Variants in ADAMTS2 observed in about 807,000 individuals in gnomAD.
ADAMTS2 encodes the protein A disintegrin and metalloproteinase with thrombospondin motifs 2.
Under a neutral mutation model 123.0 loss-of-function variants are expected in ADAMTS2, and 50 were observed. The observed-to-expected ratio is 0.41, with a 90% CI of 0.32 to 0.51. The LOEUF is 0.51. ADAMTS2 is among the 20% of genes least tolerant of loss of function. ADAMTS2 has a pLI of 0.35. For missense variants in ADAMTS2, 1,494 were observed against 1,705.2 expected (o/e 0.88, Z 2.18); for synonymous variants, 678 against 695.4 (o/e 0.98, Z 0.39).
intron 2 of ADAMTS2, among the ~76,000 whole-genome samples, chr5:179,338,887 G>A (rs1757692829): frequency 6.6e-6 from 1 of 152,076 alleles, no homozygotes; most frequent in Non-Finnish European, 1.5e-5. Context: ...GAGAGCTCTA[G>A]AATTGGAGCT....
intron 4 of ADAMTS2, among the ~76,000 whole-genome samples, chr5:179,203,796 C>T (rs185622639): frequency 5.8e-4 from 89 of 152,322 alleles, no homozygotes; most frequent in South Asian, 2.1e-4. Context: ...TGGGAAACAG[C>T]GTGGAAACTC....
chr5:179,311,416 G>C (rs1012040861), intron 2 of ADAMTS2, among the ~76,000 whole-genome samples: 1 of 152,188 alleles, frequency 6.6e-6, no homozygotes, highest in Non-Finnish European at 1.5e-5. Context: ...AGAATCACAG[G>C]GACATCCACC....
At chr5:179,184,172 C>T (rs1290003592) in intron 4 of ADAMTS2, among the ~76,000 whole-genome samples, 1 of 152,140 alleles carries the variant, frequency 6.6e-6, no homozygotes, top group Non-Finnish European at 1.5e-5. Context: ...TTCCTTCTAT[C>T]CTGGGGCTGA....
In ADAMTS2 at chr5:179,181,581, G is replaced by T. The variant is rs1201417439; in HGVS notation, c.892-426C>A. On this transcript the variant is annotated intron_variant, in intron 4 of 21. Coordinates refer to ENST00000251582, the MANE Select transcript of ADAMTS2 (RefSeq NM_014244.5). This position sits in a 1 kb window ranked among gnomAD's most constrained non-coding sequence, Gnocchi z 4.1. ...AGTCACTCCAAGCTATAGCTGGTGG[G>T]TGTGGGGATTACCTACCTGCATCGC... 1.3e-5 allele frequency among the ~76,000 whole-genome samples: 2 copies of T among 152,306 alleles called. No individual in the cohort carries two copies. The highest frequency in any genetic ancestry group is 2.1e-4 in the South Asian group (1 of 4,820).
At chr5:179,239,238 G>A (rs1160289566) in intron 3 of ADAMTS2, among the ~76,000 whole-genome samples, 1 of 152,176 alleles carries the variant, frequency 6.6e-6, no homozygotes, top group African/African-American at 2.4e-5. Context: ...TGACAACCGT[G>A]GAGATGGTGA....
rs936810665 is a variant in ADAMTS2, at chr5:179,202,605, C to T, written c.891+4908G>A. ...CCCCTTGCCTGACATATAATAGACG[C>T]CCCATAAACACCGGCCCCCGTATGA... On this transcript the variant is annotated intron_variant, in intron 4 of 21. Transcript: ENST00000251582. The surrounding 1 kb of genome is among the most constrained non-coding windows in gnomAD (Gnocchi z 4.0). Among the ~76,000 whole-genome samples, 1 of 152,174 alleles carries T rather than the reference C, an allele frequency of 6.6e-6. No homozygotes were observed. Among genetic ancestry groups the T allele is most frequent in the African/African-American group, 2.4e-5 (1 of 41,444 alleles).
In ADAMTS2 at chr5:179,137,852, C is replaced by T. The variant is rs1218632514; in HGVS notation, c.1868G>A (p.Arg623His). ...GTCCCACTGGCGGCACTGCTCCTCG[C>T]GGAAGTCAGCCAGGGAGTCGGGGCA... ...QDCPDSLADF[R>H]EEQCRQWDLY... The change falls in exon 12 of 22, where the codon CGC (arginine) becomes CAC (histidine). Residue 623 changes from arginine to histidine, a missense_variant. By Grantham distance (29) the Arg-to-His change is conservative. Coordinates refer to ENST00000251582, the MANE Select transcript of ADAMTS2 (RefSeq NM_014244.5). 7 of 1,566,376 alleles carry T rather than the reference C, an allele frequency of 4.5e-6. No homozygotes were observed. Among genetic ancestry groups the T allele is most frequent in the African/African-American group, 1.4e-5 (1 of 73,658 alleles).
At chr5:179,205,498 C>T (rs1366796327) in intron 4 of ADAMTS2, among the ~76,000 whole-genome samples, 9 of 152,330 alleles carry the variant, frequency 5.9e-5, no homozygotes, top group African/African-American at 9.6e-5. Context: ...GCGTTCCCAA[C>T]GACGCGCCTG....
chr5:179,187,993 C>T (rs1461262606), intron 4 of ADAMTS2, among the ~76,000 whole-genome samples: 1 of 151,952 alleles, frequency 6.6e-6, no homozygotes, highest in Non-Finnish European at 1.5e-5. Flanking sequence ...TGGCCTGCGG[C>T]TGCTGGGCAG....
chr5:179,207,760 C>A, intron 3 of ADAMTS2, 45 bp from the exon 4 acceptor site: 1 of 1,573,630 alleles, frequency 6.4e-7, no homozygotes, highest in African/African-American at 1.3e-5. Flanking sequence ...CAAACCCACC[C>A]GGACACAAAC....
At position 179,204,809 on chromosome 5, in the gene ADAMTS2, C is replaced by T. The variant is rs533407845; in HGVS notation, c.891+2704G>A. On this transcript the variant is annotated intron_variant, in intron 4 of 21. Transcript: ENST00000251582. ...AGACCCCCCGCTGACCCTCCGCCGCCGGTCTCCCACGCCCCGGGACTCTCT... is the reference window on the plus strand; with the variant it reads ...AGACCCCCCGCTGACCCTCCGCCGCTGGTCTCCCACGCCCCGGGACTCTCT... Among the ~76,000 whole-genome samples, 277 of 152,332 alleles carry T rather than the reference C, an allele frequency of 1.8e-3. 1 individual carries two copies. The highest frequency in any genetic ancestry group is 6.3e-3 in the African/African-American group (261 of 41,580).
chr5:179,321,446 G>A (rs1757171415), intron 2 of ADAMTS2, among the ~76,000 whole-genome samples: 1 of 152,062 alleles, frequency 6.6e-6, no homozygotes, highest in Non-Finnish European at 1.5e-5. Context: ...GCCCCCTCTT[G>A]GCTGCTGGGC....
rs942003533 is a variant in ADAMTS2 at position 179,332,269 on chromosome 5, T to C, written c.534+11498A>G. 1.3e-5 allele frequency among the ~76,000 whole-genome samples: 2 copies of C among 152,184 alleles called. No homozygotes were observed. The highest frequency in any genetic ancestry group is 6.5e-5 in the Admixed American group (1 of 15,276). The stretch of plus-strand genomic sequence containing the variant: ...GGCTGCAGAGCCTCCACGCCCTCTC[T>C]GGGCACTCACCCTCCCAGAACCTCC... On this transcript the variant is annotated intron_variant, in intron 2 of 21. Coordinates refer to ENST00000251582, the MANE Select transcript of ADAMTS2 (RefSeq NM_014244.5). The surrounding 1 kb of genome is among the most constrained non-coding windows in gnomAD (Gnocchi z 4.2).
intron 4 of ADAMTS2, among the ~76,000 whole-genome samples, chr5:179,184,331 G>A (rs1021917255): frequency 2.6e-5 from 4 of 152,062 alleles, no homozygotes; most frequent in Admixed American, 2.6e-4. Flanking sequence ...GGCCAACACG[G>A]TGAAACCCTC....
At position 179,130,497 on chromosome 5, in the gene ADAMTS2, T is replaced by G. The variant is rs1177870931; in HGVS notation, c.2291-399A>C. On this transcript the variant is annotated intron_variant, in intron 15 of 21. Transcript: ENST00000251582. This position sits in a 1 kb window ranked among gnomAD's most constrained non-coding sequence, Gnocchi z 4.3. ...GGCATCTGCTGGACAGGCGAGCACA[T>G]GACCCTGCTGGAGTAGGGCTTCCTG... Among the ~76,000 whole-genome samples the G allele has an allele frequency of 6.6e-6, 1 of 152,170 alleles. No individual in the cohort carries two copies. Among genetic ancestry groups the G allele is most frequent in the South Asian group, 2.1e-4 (1 of 4,826 alleles).
chr5:179,327,275 T>A (rs1757342647), intron 2 of ADAMTS2, among the ~76,000 whole-genome samples: 1 of 152,170 alleles, frequency 6.6e-6, no homozygotes, highest in Non-Finnish European at 1.5e-5. Context: ...TATCTCATTG[T>A]GAAGGGTAAG....
chr5:179,183,229 C>T (rs1441965948), intron 4 of ADAMTS2, among the ~76,000 whole-genome samples: 2 of 152,208 alleles, frequency 1.3e-5, no homozygotes, highest in Admixed American at 6.5e-5. Context: ...GCCAGTTTTT[C>T]TTAAGAGAGA....
In ADAMTS2 at chr5:179,175,859, G is replaced by T. The variant is rs946898204; in HGVS notation, c.975+5213C>A. ...GTTTGTTTCCAAGACTATCTCCAGG[G>T]CAGTGCTCCCCAGAGCAGGTTCAGC... On this transcript the variant is annotated intron_variant, in intron 5 of 21. Transcript: ENST00000251582. The surrounding 1 kb of genome is among the most constrained non-coding windows in gnomAD (Gnocchi z 4.1). 2.6e-5 allele frequency among the ~76,000 whole-genome samples: 4 copies of T among 151,924 alleles called. No homozygotes were observed. Among genetic ancestry groups the T allele is most frequent in the Non-Finnish European group, 5.9e-5 (4 of 68,000 alleles).
At chr5:179,287,832 T>C (rs1756064372) in intron 2 of ADAMTS2, among the ~76,000 whole-genome samples, 1 of 152,086 alleles carries the variant, frequency 6.6e-6, no homozygotes, top group African/African-American at 2.4e-5. Flanking sequence ...GAAGACACAC[T>C]ACCCGACGGA....
Sources: gnomAD v4.1 joint callset for allele counts (sites outside exome capture counted in the v4.1 genomes callset) on GRCh38, gnomAD v4.1.1 for gene constraint, Gnocchi (gnomAD v3.1) non-coding constraint, MANE v1.5 for transcripts, NCBI Gene and HGNC (gene_info 2026-07-23, HGNC 2026-07-21) for gene names.